CFDP1: variants seen among roughly 807,000 people sequenced by gnomAD.
The protein encoded by CFDP1 is heterochromatin-stabilizing protein CFDP1.
A neutral mutation model predicts 40.1 loss-of-function variants in CFDP1; 31 were observed. The ratio of observed to expected loss-of-function variants is 0.77; its 90% CI spans 0.58 to 1.04. The LOEUF is 1.04. CFDP1 is among the 50% of genes least tolerant of loss of function. The pLI, the probability that CFDP1 is intolerant of heterozygous loss-of-function variation, is 0.00. For missense variants in CFDP1, 423 were observed against 343.4 expected (o/e 1.23, Z -1.83); for synonymous variants, 167 against 120.0 (o/e 1.39, Z -2.56).
At chr16:75,431,143 C>T (rs2151609264) in intron 1 of CFDP1, among the ~76,000 whole-genome samples, 1 of 151,954 alleles carries the variant, frequency 6.6e-6, no homozygotes, top group East Asian at 1.9e-4. Context: ...TGTTTATTCA[C>T]ACTGTCATTA....
At chr16:75,369,945 A>T (rs1019589395) in intron 5 of CFDP1, among the ~76,000 whole-genome samples, 4 of 151,530 alleles carry the variant, frequency 2.6e-5, no homozygotes, top group African/African-American at 9.7e-5. Flanking sequence ...TATTATTATT[A>T]TTATTTTTAG....
chr16:75,403,681 G>A (rs2079074369), intron 4 of CFDP1, among the ~76,000 whole-genome samples: 1 of 152,128 alleles, frequency 6.6e-6, no homozygotes, highest in Non-Finnish European at 1.5e-5. Context: ...ATTCCTAACG[G>A]TACATTAACA....
At chr16:75,417,001 T>G (rs887021594) in intron 1 of CFDP1, among the ~76,000 whole-genome samples, 1 of 151,968 alleles carries the variant, frequency 6.6e-6, no homozygotes, top group Admixed American at 6.6e-5. Context: ...TGAGACCCCA[T>G]ATCTAAAAAA....
chr16:75,416,341 T>C (rs963950729), intron 1 of CFDP1, among the ~76,000 whole-genome samples: 1 of 151,250 alleles, frequency 6.6e-6, no homozygotes, highest in African/African-American at 2.4e-5. Flanking sequence ...TTGTAATTAA[T>C]ATCCTGAAAG....
intron 5 of CFDP1, among the ~76,000 whole-genome samples, chr16:75,307,965 C>T (rs2078269817): frequency 6.6e-6 from 1 of 152,214 alleles, no homozygotes; most frequent in South Asian, 2.1e-4. Context: ...TATGGGAACA[C>T]TGATCTTTTC....
At chr16:75,376,835 C>A (rs971448574) in intron 5 of CFDP1, among the ~76,000 whole-genome samples, 1 of 152,214 alleles carries the variant, frequency 6.6e-6, no homozygotes, top group African/African-American at 2.4e-5. Flanking sequence ...GTTACCGCCC[C>A]TTCCCAGAGC....
chr16:75,419,446 T>C (rs566819409), intron 1 of CFDP1, among the ~76,000 whole-genome samples: 13 of 152,290 alleles, frequency 8.5e-5, no homozygotes, highest in African/African-American at 3.1e-4. Flanking sequence ...TAGAAAGACA[T>C]CACTTCTCAA....
chr16:75,384,375 G>A (rs1438136719), intron 5 of CFDP1, among the ~76,000 whole-genome samples: 1 of 151,982 alleles, frequency 6.6e-6, no homozygotes, highest in African/African-American at 2.4e-5. Context: ...AAAAGAGAAA[G>A]AAAAGAGGAA....
chr16:75,321,245 G>C (rs1018873943), intron 5 of CFDP1, among the ~76,000 whole-genome samples: 3 of 152,182 alleles, frequency 2.0e-5, no homozygotes, highest in African/African-American at 7.2e-5. Flanking sequence ...AATTACAGGC[G>C]TGAGCCACAG....
chr16:75,318,606 G>T (rs567291967), intron 5 of CFDP1, among the ~76,000 whole-genome samples: 1 of 151,986 alleles, frequency 6.6e-6, no homozygotes. Flanking sequence ...GGGTTTCACC[G>T]TGTTAGCCAG....
chr16:75,336,350 T>C (rs548319347), intron 5 of CFDP1, among the ~76,000 whole-genome samples: 1 of 152,234 alleles, frequency 6.6e-6, no homozygotes, highest in African/African-American at 2.4e-5. Flanking sequence ...CTAGAGTGCC[T>C]GGGGAGGCCT....
intron 5 of CFDP1, among the ~76,000 whole-genome samples, chr16:75,342,622 T>C (rs1199976393): frequency 6.6e-6 from 1 of 152,148 alleles, no homozygotes; most frequent in Non-Finnish European, 1.5e-5. Flanking sequence ...GGGCTCTATC[T>C]GCATACTACA....
chr16:75,353,032 C>A (rs934073011), intron 5 of CFDP1, among the ~76,000 whole-genome samples: 6 of 152,132 alleles, frequency 3.9e-5, no homozygotes, highest in Non-Finnish European at 8.8e-5. Context: ...ACCAGCAAAA[C>A]CCATGAGTAT....
intron 5 of CFDP1, among the ~76,000 whole-genome samples, chr16:75,349,696 T>TATATATATATATATATATATATATATAC (rs1209804675): frequency 8.3e-5 from 4 of 47,950 alleles, no homozygotes; most frequent in African/African-American, 1.2e-4. Flanking sequence ...AAAAAATATA[T>TATATATATATATATATATATATATATAC]ATACATACAT....
At chr16:75,382,736 T>C (rs975913365) in intron 5 of CFDP1, among the ~76,000 whole-genome samples, 2 of 152,216 alleles carry the variant, frequency 1.3e-5, no homozygotes, top group South Asian at 4.1e-4. Context: ...GAGACCAAGA[T>C]CAAGAGCATT....
chr16:75,379,182 A>G (rs2078830972), intron 5 of CFDP1, among the ~76,000 whole-genome samples: 1 of 148,196 alleles, frequency 6.7e-6, no homozygotes, highest in Admixed American at 6.7e-5. Flanking sequence ...AGAATCTAGT[A>G]AAAAAAAAGA....
chr16:75,340,076 T>G, intron 5 of CFDP1, among the ~76,000 whole-genome samples: 1 of 152,238 alleles, frequency 6.6e-6, no homozygotes, highest in East Asian at 1.9e-4. Context: ...AATAGTAATT[T>G]TAAGTTAATA....
At chr16:75,342,232 T>A (rs1213517924) in intron 5 of CFDP1, among the ~76,000 whole-genome samples, 3 of 152,222 alleles carry the variant, frequency 2.0e-5, no homozygotes, top group Non-Finnish European at 4.4e-5. Flanking sequence ...AGAACACTGG[T>A]GCTTTTGAAT....
intron 5 of CFDP1, among the ~76,000 whole-genome samples, chr16:75,348,274 G>A (rs1439762809): frequency 6.6e-6 from 1 of 152,154 alleles, no homozygotes; most frequent in African/African-American, 2.4e-5. Flanking sequence ...GGGACTGCAG[G>A]TGTGAACCAT....
Sources: allele counts gnomAD v4.1 joint callset (sites outside exome capture counted in the v4.1 genomes callset), GRCh38; gene constraint gnomAD v4.1.1; transcripts MANE v1.5; gene names NCBI Gene and HGNC (gene_info 2026-07-23, HGNC 2026-07-21).